Variants in NACC2 observed in about 807,000 individuals in gnomAD.
NACC2 encodes nucleus accumbens-associated protein 2.
In NACC2, 8 loss-of-function variants were observed where a neutral mutation model predicts 25.1. The observed-to-expected ratio is 0.32, with a 90% CI of 0.19 to 0.57. The LOEUF is 0.57. NACC2 is among the 20% of genes least tolerant of loss of function. NACC2 has a pLI of 0.89. For missense variants in NACC2, 644 were observed against 650.2 expected, an observed-to-expected ratio of 0.99 and a Z score of 0.10; for synonymous variants, 435 against 294.7, an observed-to-expected ratio of 1.48 and a Z score of -4.88.
At chr9:136,050,933 G>T (rs1242869511) in intron 1 of NACC2, among the ~76,000 whole-genome samples, 1 of 152,132 alleles carries the variant, frequency 6.6e-6, no homozygotes, top group African/African-American at 2.4e-5. Flanking sequence ...GGGGGCCGCC[G>T]GGGGAGCCTC....
rs1298383969 is a variant in NACC2, at chr9:136,042,689, CACAG to C, written c.886+6943_886+6946del. Among the ~76,000 whole-genome samples the C allele has an allele frequency of 7.2e-3, 1,096 of 151,628 alleles. 14 individuals are homozygous for C. The highest frequency in any genetic ancestry group is 0.025 in the African/African-American group (1,038 of 41,226). On this transcript the variant is annotated intron_variant, in intron 2 of 5. Coordinates refer to ENST00000277554, the MANE Select transcript of NACC2 (RefSeq NM_144653.5). Reference sequence around the variant, plus strand: ...ACACACAGACACACAGACATACACACACAGACACACACACAGACACAGAGACACA... The same window carrying C: ...ACACACAGACACACAGACATACACACACACACACACAGACACAGAGACACA...
chr9:136,078,791 C>T (rs1218634891), intron 1 of NACC2, among the ~76,000 whole-genome samples: 4 of 152,224 alleles, frequency 2.6e-5, no homozygotes, highest in Admixed American at 2.0e-4. Flanking sequence ...GCATCCTGGT[C>T]CCCAGTAAGC....
In NACC2 at chr9:136,022,808, T is replaced by G. The variant is rs183882420; in HGVS notation, c.887-6379A>C. Among the ~76,000 whole-genome samples, 1 of 151,954 alleles carries G rather than the reference T, an allele frequency of 6.6e-6. No homozygotes were observed. Among genetic ancestry groups the G allele is most frequent in the East Asian group, 2.0e-4 (1 of 5,064 alleles). ...GCACAGAGGCCACAATTATAAGGCATGCCATTCTCTCATGTGCCACAGGGC... is the reference window on the plus strand; with the variant it reads ...GCACAGAGGCCACAATTATAAGGCAGGCCATTCTCTCATGTGCCACAGGGC... On this transcript the variant is annotated intron_variant, in intron 2 of 5. Transcript: ENST00000277554. The surrounding 1 kb of genome is among the most constrained non-coding windows in gnomAD (Gnocchi z 4.4).
chr9:136,024,503 ATGTGTGTG>A lies in NACC2; in HGVS notation c.887-8082_887-8075del, dbSNP rs139555936. Among the ~76,000 whole-genome samples, 941 of 124,762 alleles carry A rather than the reference ATGTGTGTG, an allele frequency of 7.5e-3. 6 individuals are homozygous for A. The highest frequency in any genetic ancestry group is 0.011 in the South Asian group (38 of 3,410). The allele number at this position is 124,762 out of a possible 152,430, so 81.8% of individuals were successfully genotyped here. The stretch of plus-strand genomic sequence containing the variant: ...TGAGGACAGTGTGTGTGAGGACAGA[ATGTGTGTG>A]TGTGTGTGTGTGTGTGTGTGTGGAC... On this transcript the variant is annotated intron_variant, in intron 2 of 5. Coordinates refer to ENST00000277554, the MANE Select transcript of NACC2 (RefSeq NM_144653.5).
At chr9:136,053,513 C>A (rs1840879448) in intron 1 of NACC2, among the ~76,000 whole-genome samples, 1 of 152,212 alleles carries the variant, frequency 6.6e-6, no homozygotes, top group Non-Finnish European at 1.5e-5. Context: ...GCCACACCCT[C>A]CACCCTCAGG....
chr9:136,081,265 G>GGGCA (rs1454990767), intron 1 of NACC2, among the ~76,000 whole-genome samples: 1 of 152,132 alleles, frequency 6.6e-6, no homozygotes, highest in Non-Finnish European at 1.5e-5. Context: ...CCGCAGGACA[G>GGGCA]GGCAGGGGTC....
intron 1 of NACC2, among the ~76,000 whole-genome samples, chr9:136,052,690 A>C (rs898087679): frequency 5.5e-4 from 83 of 152,282 alleles, no homozygotes; most frequent in Admixed American, 1.6e-3. Context: ...GTGGCCGGGC[A>C]ACCAGGAGCC....
At chr9:136,016,199 CAATAAATA>C in intron 3 of NACC2, 58 bp downstream of exon 3, 9 of 1,560,902 alleles carry the variant, frequency 5.8e-6, no homozygotes, top group South Asian at 1.1e-5. Flanking sequence ...CAGAGCTCTC[CAATAAATA>C]AATAAATAAA....
At chr9:136,063,008 G>C (rs1265215345) in intron 1 of NACC2, among the ~76,000 whole-genome samples, 3 of 152,208 alleles carry the variant, frequency 2.0e-5, no homozygotes, top group Non-Finnish European at 2.9e-5. Flanking sequence ...CTGTCTTCTT[G>C]TGTCTCCCCA....
At chr9:136,083,870 A>G (rs1830351571) in intron 1 of NACC2, among the ~76,000 whole-genome samples, 1 of 152,170 alleles carries the variant, frequency 6.6e-6, no homozygotes, top group South Asian at 2.1e-4. Context: ...AGATCTTCTC[A>G]GACAGACGAT....
rs535481671 is a variant in NACC2, at chr9:136,064,904, T to G, written c.-59-14324A>C. On this transcript the variant is annotated intron_variant, in intron 1 of 5. Coordinates refer to ENST00000277554, the MANE Select transcript of NACC2 (RefSeq NM_144653.5). ...ACAGATGAGTCTACAAATGTATTCA[T>G]GTGTCTGCAGCCAATTAATTTAACA... Among the ~76,000 whole-genome samples the G allele has an allele frequency of 2.0e-5, 3 of 152,342 alleles. No individual in the cohort carries two copies. The South Asian group carries it at 6.2e-4, about 32-fold the overall frequency.
chr9:136,045,982 A>G (rs1840717605), intron 2 of NACC2, among the ~76,000 whole-genome samples: 1 of 152,064 alleles, frequency 6.6e-6, no homozygotes, highest in Non-Finnish European at 1.5e-5. Context: ...GGACGTTCAG[A>G]TGCCCCCGAG....
Position 136,011,413 on chromosome 9 carries a change from AG to A in NACC2, c.*102del. The A allele has an allele frequency of 1.7e-6, 2 of 1,185,468 alleles. No homozygotes were observed. The highest frequency in any genetic ancestry group is 2.2e-6 in the Non-Finnish European group (2 of 924,842). 73.4% of individuals were successfully genotyped at this position (1,185,468 alleles called of 1,614,324 possible). ...AAAAATCACATTTTTCTCAGGCAAC[AG>A]TAGCAGTTCAGTAGGTAAGTGGCTT... On this transcript the variant is annotated 3_prime_UTR_variant, in exon 6 of 6. Coordinates refer to ENST00000277554, the MANE Select transcript of NACC2 (RefSeq NM_144653.5).
intron 2 of NACC2, among the ~76,000 whole-genome samples, chr9:136,017,087 A>T (rs991343821): frequency 2.0e-5 from 3 of 152,084 alleles, no homozygotes; most frequent in Non-Finnish European, 4.4e-5. Flanking sequence ...GCAACTCCAT[A>T]AACACTTGCC....
intron 2 of NACC2, among the ~76,000 whole-genome samples, chr9:136,045,215 C>A (rs1477156154): frequency 6.6e-6 from 1 of 151,902 alleles, no homozygotes; most frequent in Non-Finnish European, 1.5e-5. Flanking sequence ...GAGAGGCACA[C>A]AGGGGACACC....
intron 1 of NACC2, among the ~76,000 whole-genome samples, chr9:136,090,657 T>C (rs903651902): frequency 6.6e-6 from 1 of 152,200 alleles, no homozygotes; most frequent in African/African-American, 2.4e-5. Flanking sequence ...GCTCCTGAAA[T>C]GTCCTCAAGC....
In NACC2 at chr9:136,084,468, C is replaced by T. The variant is rs377394262; in HGVS notation, c.-60+10721G>A. On this transcript the variant is annotated intron_variant, in intron 1 of 5. Coordinates refer to ENST00000277554, the MANE Select transcript of NACC2 (RefSeq NM_144653.5). This position sits in a 1 kb window ranked among gnomAD's most constrained non-coding sequence, Gnocchi z 5.1. ...GTATCTCTGACGTCCCTGCCCAAGA[C>T]GCCAATCACCAGGAGGCCACAGACA... Among the ~76,000 whole-genome samples the T allele has an allele frequency of 2.0e-5, 3 of 152,166 alleles. No homozygotes were observed. Among genetic ancestry groups the T allele is most frequent in the Admixed American group, 1.3e-4 (2 of 15,278 alleles).
chr9:136,069,277 T>C (rs1357456963), intron 1 of NACC2, among the ~76,000 whole-genome samples: 1 of 145,858 alleles, frequency 6.9e-6, no homozygotes. Flanking sequence ...CTGGGCGCGG[T>C]GGCTCACACC....
intron 1 of NACC2, among the ~76,000 whole-genome samples, chr9:136,090,734 C>T (rs772698554): frequency 2.1e-4 from 32 of 152,004 alleles, no homozygotes; most frequent in African/African-American, 7.2e-4. Flanking sequence ...CATGACTATG[C>T]GGAGGCTGAT....
Sources: gnomAD v4.1 joint callset for allele counts (sites outside exome capture counted in the v4.1 genomes callset) on GRCh38, gnomAD v4.1.1 for gene constraint, Gnocchi (gnomAD v3.1) non-coding constraint, MANE v1.5 for transcripts, NCBI Gene and HGNC (gene_info 2026-07-23, HGNC 2026-07-21) for gene names.